The following NKD1 variants were observed in gnomAD, a reference collection of about 807,000 sequenced individuals.
NKD1 encodes protein naked cuticle homolog 1.
NKD1 carries 21 observed loss-of-function variants against 56.0 expected under a neutral mutation model. The observed-to-expected ratio is 0.38, with a 90% CI of 0.27 to 0.54. The LOEUF (loss-of-function observed/expected upper bound fraction) is 0.54, where lower values mean the gene tolerates loss of function less well. Ranked by LOEUF, NKD1 falls within the 20% of genes least tolerant of loss-of-function variation. NKD1 has a pLI of 0.82. For missense variants in NKD1, 578 were observed against 642.7 expected (o/e 0.90, Z 1.09); for synonymous variants, 263 against 265.7 (o/e 0.99, Z 0.10).
chr16:50,629,876 G>A (rs1962304135), intron 6 of NKD1, among the ~76,000 whole-genome samples: 1 of 152,198 alleles, frequency 6.6e-6, no homozygotes, highest in African/African-American at 2.4e-5. Context: ...TCTAGAAGAG[G>A]CTGTTCCAAG....
intron 3 of NKD1, among the ~76,000 whole-genome samples, chr16:50,552,906 T>C (rs1596700735): frequency 6.6e-6 from 1 of 152,226 alleles, no homozygotes; most frequent in African/African-American, 2.4e-5. Flanking sequence ...GGCTGGGCTT[T>C]TGCCCTTTCC....
chr16:50,562,103 C>A (rs552401196), intron 3 of NKD1: 2 of 152,730 alleles, frequency 1.3e-5, no homozygotes, highest in East Asian at 3.8e-4. Flanking sequence ...ACTCAAACAT[C>A]CATCACTAGG....
In NKD1 at chr16:50,625,507, TGGA is replaced by T; in HGVS notation, c.396_398del (p.Glu132del). On this transcript the variant is annotated inframe_deletion, in exon 6 of 10. Coordinates refer to ENST00000268459, the MANE Select transcript of NKD1 (RefSeq NM_033119.5). ...CAGGAGCTCCAGTGCGACGTGTCCA[TGGA>T]GGAGGACAGCCGGCAGGAGTGGACC... 1 of 1,613,218 alleles carries T rather than the reference TGGA, an allele frequency of 6.2e-7. No homozygotes were observed. Among genetic ancestry groups the T allele is most frequent in the Non-Finnish European group, 8.5e-7 (1 of 1,179,262 alleles).
At position 50,647,223 on chromosome 16, in the gene NKD1, T is replaced by C. The variant is rs1296728218; in HGVS notation, c.*13442T>C. 6.6e-6 allele frequency: 1 copy of C among 152,214 alleles called. No individual in the cohort carries two copies. The highest frequency in any genetic ancestry group is 2.4e-5 in the African/African-American group (1 of 41,440). The allele number at this position is 152,214 out of a possible 1,614,324, so 9.4% of individuals were successfully genotyped here. On this transcript the variant is annotated 3_prime_UTR_variant, in exon 10 of 10. Coordinates refer to ENST00000268459, the MANE Select transcript of NKD1 (RefSeq NM_033119.5). The stretch of plus-strand genomic sequence containing the variant: ...GCCAGACATGGCAAAGTCCTCACCT[T>C]TGCCAGTGACTGATTCAGGAAAGAT...
chr16:50,602,331 C>G (rs909195769), intron 3 of NKD1, among the ~76,000 whole-genome samples: 1 of 152,280 alleles, frequency 6.6e-6, no homozygotes, highest in African/African-American at 2.4e-5. Context: ...CCCAGAAGGT[C>G]TGTGCTCCAG....
Position 50,623,644 on chromosome 16 carries a change from G to GTGAC in NKD1, c.367-1840_367-1837dup, listed in dbSNP as rs1190320357. ...TGGGAGAGGCCTAGGAGACCCGCAT[G>GTGAC]TGACAGGTGGGACAAGTGGCCAGTT... is the stretch of plus-strand genomic sequence containing the variant. On this transcript the variant is annotated intron_variant, in intron 5 of 9. Transcript: ENST00000268459. This position sits in a 1 kb window ranked among gnomAD's most constrained non-coding sequence, Gnocchi z 4.1. Among the ~76,000 whole-genome samples, 11 of 152,094 alleles carry GTGAC rather than the reference G, an allele frequency of 7.2e-5. No individual in the cohort carries two copies. The highest frequency in any genetic ancestry group is 2.7e-4 in the African/African-American group (11 of 41,408).
rs767760764 is a variant in NKD1, at chr16:50,633,664, G to C, written c.1296G>C (p.Leu432=). Residue 432 remains leucine, a synonymous_variant, in exon 10 of 10, where the codon CTG becomes CTC. Transcript: ENST00000268459. This position sits in a 1 kb window ranked among gnomAD's most constrained non-coding sequence, Gnocchi z 4.9. ...GCCCTGTCCTGGGGCGGGAGCACCTGCGGGAGCTGCCCGCCTTGGTGGTGT... is the reference window on the plus strand; with the variant it reads ...GCCCTGTCCTGGGGCGGGAGCACCTCCGGGAGCTGCCCGCCTTGGTGGTGT... ...SGGPVLGREH[L]RELPALVVYE... is the part of the protein sequence containing the mutation. 6.2e-7 allele frequency: 1 copy of C among 1,603,670 alleles called. No individual in the cohort carries two copies. The highest frequency in any genetic ancestry group is 1.3e-5 in the African/African-American group (1 of 74,770).
rs949646159 is a variant in NKD1, at chr16:50,608,095, G to A, written c.193-199G>A. ...TAGCCTGTGGTGGCCTGAATGTTGT[G>A]CTGATGCGTGTGGGTTTATGTTAAG... On this transcript the variant is annotated intron_variant, in intron 3 of 9. Coordinates refer to ENST00000268459, the MANE Select transcript of NKD1 (RefSeq NM_033119.5). The A allele has an allele frequency of 1.0e-5, 6 of 588,884 alleles. No individual in the cohort carries two copies. The African/African-American group carries it at 1.1e-4, about 11-fold the overall frequency. The allele number at this position is 588,884 out of a possible 1,614,324, so 36.5% of individuals were successfully genotyped here.
chr16:50,551,881 G>C (rs1332285742), intron 3 of NKD1: 3 of 152,188 alleles, frequency 2.0e-5, no homozygotes, highest in Non-Finnish European at 4.4e-5. Context: ...ATGTGGGAAT[G>C]GAATGCCCCA....
chr16:50,616,929 G>A (rs994386915), intron 4 of NKD1, among the ~76,000 whole-genome samples: 4 of 152,178 alleles, frequency 2.6e-5, no homozygotes, highest in South Asian at 2.1e-4. Context: ...TCTTGGATCC[G>A]GTCTCCTAGT....
In NKD1 at chr16:50,630,349, C is replaced by T; in HGVS notation, c.610+16C>T. 1 of 1,613,174 alleles carries T rather than the reference C, an allele frequency of 6.2e-7. No homozygotes were observed. On this transcript the variant is annotated intron_variant, in intron 7 of 9. Transcript: ENST00000268459. ...AATCAGGCTGGTGAGGGCTGCAGGG[C>T]TGAGCCTGGGAAACAATGTCCTCCC...
At chr16:50,599,533 C>T (rs1299450939) in intron 3 of NKD1, among the ~76,000 whole-genome samples, 1 of 152,204 alleles carries the variant, frequency 6.6e-6, no homozygotes, top group African/African-American at 2.4e-5. Flanking sequence ...GCTTCTAGGG[C>T]TGCTGGGAGC....
In NKD1 at chr16:50,598,262, T is replaced by TGTGTGTGTGTGCGCGCGC. The variant is rs138964473; in HGVS notation, c.193-10031_193-10030insTGTGTGTGTGCGCGCGCG. ...GTGTGTGTGTGTGTGTGTGTGTGTG[T>TGTGTGTGTGTGCGCGCGC]GCGCGCACACCTGTGCTCATGGACA... On this transcript the variant is annotated intron_variant, in intron 3 of 9. Transcript: ENST00000268459. The surrounding 1 kb of genome is among the most constrained non-coding windows in gnomAD (Gnocchi z 4.2). Among the ~76,000 whole-genome samples the TGTGTGTGTGTGCGCGCGC allele has an allele frequency of 2.4e-4, 35 of 148,666 alleles. 1 individual carries two copies. Among genetic ancestry groups the TGTGTGTGTGTGCGCGCGC allele is most frequent in the African/African-American group, 8.7e-4 (34 of 39,160 alleles).
In NKD1 at chr16:50,626,906, C is replaced by T. The variant is rs116014528; in HGVS notation, c.462+1326C>T. Among the ~76,000 whole-genome samples, 383 of 152,294 alleles carry T rather than the reference C, an allele frequency of 2.5e-3. 4 individuals are homozygous for T. The highest frequency in any genetic ancestry group is 8.2e-3 in the African/African-American group (340 of 41,558). ...GGGGCCTCATGTTCCCAGAGAGACA[C>T]TAAAGCTTTGCTGACTGGTCTCCTC... On this transcript the variant is annotated intron_variant, in intron 6 of 9. Transcript: ENST00000268459.
At position 50,575,225 on chromosome 16, in the gene NKD1, G is replaced by C. The variant is rs746757419; in HGVS notation, c.192+25670G>C. 1,388 of 985,272 alleles carry C rather than the reference G, an allele frequency of 1.4e-3. 3 individuals are homozygous for C. Among genetic ancestry groups the C allele is most frequent in the Non-Finnish European group, 1.6e-3 (1,320 of 829,938 alleles). The allele number at this position is 985,272 out of a possible 1,614,324, so 61.0% of individuals were successfully genotyped here. On this transcript the variant is annotated intron_variant, in intron 3 of 9. Coordinates refer to ENST00000268459, the MANE Select transcript of NKD1 (RefSeq NM_033119.5). ...TTGCTCAGATCAAGTTCTTTAACTA[G>C]GGGCTGAGAGATAGGGAGGCCAGTC...
chr16:50,611,872 C>A (rs1596742147), intron 4 of NKD1, among the ~76,000 whole-genome samples: 1 of 152,136 alleles, frequency 6.6e-6, no homozygotes, highest in Admixed American at 6.5e-5. Context: ...ATGTAGGTCG[C>A]AAGGGTGGCC....
intron 4 of NKD1, among the ~76,000 whole-genome samples, chr16:50,611,095 C>T (rs1177308274): frequency 6.6e-6 from 1 of 152,202 alleles, no homozygotes; most frequent in Non-Finnish European, 1.5e-5. Flanking sequence ...GCGGCTTGGG[C>T]CCCACGGGGA....
chr16:50,566,493 C>G (rs1196561717), intron 3 of NKD1, among the ~76,000 whole-genome samples: 1 of 152,238 alleles, frequency 6.6e-6, no homozygotes, highest in Admixed American at 6.5e-5. Context: ...CTCTGACAGT[C>G]CTGGGTCACA....
At chr16:50,580,115 A>G (rs950489008) in intron 3 of NKD1, among the ~76,000 whole-genome samples, 1 of 152,252 alleles carries the variant, frequency 6.6e-6, no homozygotes, top group African/African-American at 2.4e-5. Context: ...CCAACCCGCT[A>G]CACATGCACT....
Sources: allele counts gnomAD v4.1 joint callset (sites outside exome capture counted in the v4.1 genomes callset), GRCh38; gene constraint gnomAD v4.1.1; non-coding constraint Gnocchi (gnomAD v3.1); transcripts MANE v1.5; gene names NCBI Gene and HGNC (gene_info 2026-07-23, HGNC 2026-07-21).